Variants in CSMD1 observed in about 807,000 individuals in gnomAD.
CSMD1 encodes the protein CUB and Sushi multiple domains 1.
In CSMD1, 213 loss-of-function variants were observed where a neutral mutation model predicts 417.5. The observed-to-expected ratio is 0.51, with a 90% CI of 0.46 to 0.57. The LOEUF (loss-of-function observed/expected upper bound fraction) is 0.57. Among genes scored for constraint, CSMD1 ranks in the 20% least tolerant of loss-of-function variants. The pLI is 0.00. For synonymous variants in CSMD1, 2,862 were observed against 1,736.8 expected (o/e 1.65, Z -16.11); for missense variants, 6,923 against 4,529.7 (o/e 1.53, Z -15.17).
chr8:3,722,418 T>A lies in CSMD1; in HGVS notation c.932-13927A>T, dbSNP rs75877548. Among the ~76,000 whole-genome samples, 674 of 152,284 alleles carry A rather than the reference T, an allele frequency of 4.4e-3. 4 individuals carry two copies. The highest frequency in any genetic ancestry group is 0.029 in the East Asian group (149 of 5,180). On this transcript the variant is annotated intron_variant, in intron 6 of 69. Coordinates refer to ENST00000635120, the MANE Select transcript of CSMD1 (RefSeq NM_033225.6). ...CAGTAGCTAAGAAATCAACATATAA[T>A]TAAACTCCTAATCTTAAATAAATAT... is the stretch of plus-strand genomic sequence containing the variant.
chr8:4,365,595 TTC>T (rs1375105327), intron 3 of CSMD1, among the ~76,000 whole-genome samples: 56 of 152,322 alleles, frequency 3.7e-4, no homozygotes, highest in Non-Finnish European at 7.2e-4. Flanking sequence ...ATACTCTGGT[TTC>T]TGTCTTTGTA....
chr8:4,928,838 G>A (rs1430485192), intron 1 of CSMD1, among the ~76,000 whole-genome samples: 3 of 152,140 alleles, frequency 2.0e-5, no homozygotes, highest in African/African-American at 7.2e-5. Context: ...GGGAGGCTGA[G>A]GTGAGTGGAT....
chr8:4,297,658 T>A (rs1056785572), intron 3 of CSMD1, among the ~76,000 whole-genome samples: 2 of 152,148 alleles, frequency 1.3e-5, no homozygotes, highest in Non-Finnish European at 2.9e-5. Flanking sequence ...AGGGTTTGGA[T>A]TTTGACTACT....
intron 2 of CSMD1, among the ~76,000 whole-genome samples, chr8:4,634,820 C>T (rs534505148): frequency 6.6e-6 from 1 of 152,218 alleles, no homozygotes; most frequent in Non-Finnish European, 1.5e-5. Context: ...TTTTCCCTGA[C>T]AACACACCCA....
At chr8:3,895,223 G>A (rs888316767) in intron 5 of CSMD1, among the ~76,000 whole-genome samples, 8 of 152,136 alleles carry the variant, frequency 5.3e-5, no homozygotes, top group African/African-American at 1.9e-4. Context: ...AAAATAATTA[G>A]TGTTTAAAAT....
At chr8:3,269,685 T>G (rs927600105) in intron 26 of CSMD1, among the ~76,000 whole-genome samples, 11 of 152,134 alleles carry the variant, frequency 7.2e-5, no homozygotes, top group Non-Finnish European at 1.3e-4. Flanking sequence ...ACCCCCAGAG[T>G]AAAGGTCAGC....
At chr8:4,459,807 A>G (rs933009009) in intron 2 of CSMD1, among the ~76,000 whole-genome samples, 1 of 152,174 alleles carries the variant, frequency 6.6e-6, no homozygotes, top group African/African-American at 2.4e-5. Context: ...AAAACCATAC[A>G]ATTTGTGGTA....
chr8:3,185,379 A>G (rs1821683670), intron 36 of CSMD1, among the ~76,000 whole-genome samples: 1 of 152,172 alleles, frequency 6.6e-6, no homozygotes, highest in South Asian at 2.1e-4. Context: ...CACTATTATT[A>G]GTAAGGCATT....
chr8:3,712,533 A>G (rs1801586406), intron 6 of CSMD1, among the ~76,000 whole-genome samples: 1 of 152,208 alleles, frequency 6.6e-6, no homozygotes, highest in Non-Finnish European at 1.5e-5. Flanking sequence ...TTTCTCCTGA[A>G]TTAAACTATT....
intron 1 of CSMD1, among the ~76,000 whole-genome samples, chr8:4,916,934 T>G (rs1806103528): frequency 6.6e-6 from 1 of 152,170 alleles, no homozygotes; most frequent in Admixed American, 6.6e-5. Flanking sequence ...GTCAACAGGG[T>G]GTGAGACATG....
At chr8:3,368,599 G>A (rs571003944) in intron 19 of CSMD1, among the ~76,000 whole-genome samples, 12 of 152,086 alleles carry the variant, frequency 7.9e-5, no homozygotes, top group Admixed American at 3.9e-4. Flanking sequence ...TTGGCCTCCC[G>A]AACTGCTGGG....
At chr8:3,767,461 G>T (rs1177946596) in intron 5 of CSMD1, among the ~76,000 whole-genome samples, 3 of 152,196 alleles carry the variant, frequency 2.0e-5, no homozygotes, top group African/African-American at 7.2e-5. Flanking sequence ...ACTGCAAGCT[G>T]CTGCTGTTCT....
chr8:4,637,734 G>A lies in CSMD1; in HGVS notation c.86-176C>T, dbSNP rs1053783345. Among the ~76,000 whole-genome samples the A allele has an allele frequency of 3.0e-4, 40 of 133,838 alleles. No homozygotes were observed. In the East Asian group the frequency reaches 3.8e-3, roughly 13 times the overall value. The allele number at this position is 133,838 out of a possible 152,430, so 87.8% of individuals were successfully genotyped here. On this transcript the variant is annotated intron_variant, in intron 1 of 69. Transcript: ENST00000635120. ...GCCGGACTGCGGACTGCAGTGGCGC[G>A]ATCTCAGCTCACTGCAAGCTCCGCT...
At chr8:4,042,291 G>A (rs1051876367) in intron 3 of CSMD1, among the ~76,000 whole-genome samples, 16 of 152,158 alleles carry the variant, frequency 1.1e-4, no homozygotes, top group African/African-American at 3.6e-4. Flanking sequence ...CCCTACTAGT[G>A]GGGGTAGGAG....
intron 26 of CSMD1, among the ~76,000 whole-genome samples, chr8:3,268,052 C>A (rs1365909508): frequency 2.0e-5 from 3 of 152,064 alleles, no homozygotes; most frequent in South Asian, 4.1e-4. Flanking sequence ...ACGGGCCAAT[C>A]TTTGCCTTCC....
intron 2 of CSMD1, among the ~76,000 whole-genome samples, chr8:4,471,412 A>G (rs1436612238): frequency 1.3e-5 from 2 of 152,130 alleles, no homozygotes; most frequent in Non-Finnish European, 2.9e-5. Flanking sequence ...CTATACAGGT[A>G]GATTACCCAA....
chr8:4,187,935 C>A (rs1334738491), intron 3 of CSMD1, among the ~76,000 whole-genome samples: 2 of 152,010 alleles, frequency 1.3e-5, no homozygotes, highest in Non-Finnish European at 2.9e-5. Flanking sequence ...ACAAAACAGT[C>A]CCTATTACAA....
intron 47 of CSMD1, among the ~76,000 whole-genome samples, chr8:3,092,023 C>T (rs977068773): frequency 1.6e-4 from 24 of 151,996 alleles, no homozygotes; most frequent in African/African-American, 5.6e-4. Flanking sequence ...CTAGTGGAAG[C>T]GTAAAGTAGT....
At chr8:4,440,160 G>A (rs950216443) in intron 2 of CSMD1, among the ~76,000 whole-genome samples, 11 of 152,076 alleles carry the variant, frequency 7.2e-5, no homozygotes, top group Non-Finnish European at 8.8e-5. Context: ...TAATTTGGAC[G>A]TTTCTTTCTA....
Sources: gnomAD v4.1 joint callset for allele counts (sites outside exome capture counted in the v4.1 genomes callset) on GRCh38, gnomAD v4.1.1 for gene constraint, MANE v1.5 for transcripts, NCBI Gene and HGNC (gene_info 2026-07-23, HGNC 2026-07-21) for gene names.